Variants in SLC38A6 observed in about 807,000 individuals in gnomAD.
SLC38A6 encodes solute carrier family 38 member 6.
Under a neutral mutation model 65.0 loss-of-function variants are expected in SLC38A6, and 73 were observed. That is an observed-to-expected ratio of 1.12 (90% confidence interval 0.93 to 1.37). The LOEUF is 1.37. Among genes scored for constraint, SLC38A6 ranks in the 40% most tolerant of loss-of-function variants. SLC38A6 has a pLI of 0.00. For synonymous variants in SLC38A6, 183 were observed against 178.8 expected (o/e 1.02, Z -0.19); for missense variants, 561 against 531.1 (o/e 1.06, Z -0.55).
chr14:61,051,762 A>T, intron 13 of SLC38A6, 25 bp from the exon 14 acceptor site: 1 of 1,607,852 alleles, frequency 6.2e-7, no homozygotes, highest in South Asian at 1.1e-5. Context: ...CCTCTTCGCT[A>T]TATGTTTATT....
chr14:61,020,404 A>G (rs1415560152), intron 5 of SLC38A6, among the ~76,000 whole-genome samples: 1 of 152,174 alleles, frequency 6.6e-6, no homozygotes, highest in Admixed American at 6.6e-5. Context: ...TACATGTAAC[A>G]GTTTAATTCA....
chr14:61,041,757 G>A (rs1255100164), intron 8 of SLC38A6, among the ~76,000 whole-genome samples: 1 of 152,038 alleles, frequency 6.6e-6, no homozygotes, highest in Admixed American at 6.6e-5. Flanking sequence ...AAATTAGCTG[G>A]GTGTGATGGC....
At chr14:61,008,416 T>C (rs1369525194) in intron 3 of SLC38A6, among the ~76,000 whole-genome samples, 1 of 152,182 alleles carries the variant, frequency 6.6e-6, no homozygotes, top group African/African-American at 2.4e-5. Context: ...CTTTTGTTTA[T>C]ACAGTGGCAG....
chr14:60,984,871 C>T (rs2149303), intron 3 of SLC38A6, 68 bp downstream of exon 3: 1,340,025 of 1,405,510 alleles, frequency 0.95, 642,554 homozygotes, highest in Non-Finnish European at 0.99. Flanking sequence ...ACATATAGAA[C>T]TGGATGTCTC....
In SLC38A6 at chr14:60,995,023, A is replaced by G. The variant is rs866007973; in HGVS notation, c.310+10220A>G. Among the ~76,000 whole-genome samples the G allele has an allele frequency of 9.4e-4, 141 of 150,240 alleles. 1 individual carries two copies. Among genetic ancestry groups the G allele is most frequent in the East Asian group, 1.6e-3 (8 of 5,076 alleles). On this transcript the variant is annotated intron_variant, in intron 3 of 15. Coordinates refer to ENST00000267488, the MANE Select transcript of SLC38A6 (RefSeq NM_153811.3). The stretch of plus-strand genomic sequence containing the variant: ...CATCTCAAAAAAAAAAAAAAAAAAA[A>G]AAGAAGAAGAAATGAGGCATCAAGC...
chr14:60,983,387 A>G (rs903960522), intron 2 of SLC38A6, among the ~76,000 whole-genome samples: 1 of 152,160 alleles, frequency 6.6e-6, no homozygotes, highest in Admixed American at 6.5e-5. Flanking sequence ...GCTACTTGGG[A>G]GGACTGCTTG....
intron 5 of SLC38A6, among the ~76,000 whole-genome samples, chr14:61,029,811 A>G (rs557269799): frequency 4.1e-4 from 63 of 152,320 alleles, no homozygotes; most frequent in African/African-American, 1.5e-3. Context: ...TTGTCTTTTT[A>G]ATATATTTAA....
intron 12 of SLC38A6, 111 bp downstream of exon 12, chr14:61,046,278 C>T: frequency 1.5e-6 from 1 of 662,636 alleles, no homozygotes; most frequent in African/African-American, 1.8e-5. Flanking sequence ...TTGCTCAGAT[C>T]ACCAAATTAC....
At chr14:61,010,056 T>G (rs1383307747) in intron 3 of SLC38A6, among the ~76,000 whole-genome samples, 1 of 152,352 alleles carries the variant, frequency 6.6e-6, no homozygotes, top group Non-Finnish European at 1.5e-5. Flanking sequence ...GTTTCCTAAC[T>G]TTTTAATGAT....
At position 61,015,960 on chromosome 14, in the gene SLC38A6, A is replaced by T; in HGVS notation, c.363+4A>T. ...TGCATTTGGATTACCTGGAAAGGTA[A>T]TTTTTTTTCCTCCTCATTGTGTCCA... On this transcript the variant is annotated splice_donor_region_variant and intron_variant, in intron 4 of 15. Coordinates refer to ENST00000267488, the MANE Select transcript of SLC38A6 (RefSeq NM_153811.3). The T allele has an allele frequency of 1.2e-6, 2 of 1,603,610 alleles. No individual in the cohort carries two copies. Among genetic ancestry groups the T allele is most frequent in the Non-Finnish European group, 8.5e-7 (1 of 1,176,880 alleles).
intron 3 of SLC38A6, among the ~76,000 whole-genome samples, chr14:60,990,639 A>G (rs1237712332): frequency 1.3e-5 from 2 of 152,030 alleles, no homozygotes; most frequent in Non-Finnish European, 2.9e-5. Context: ...ACTTCAAAAA[A>G]AATTTTTTTT....
intron 5 of SLC38A6, among the ~76,000 whole-genome samples, chr14:61,025,295 T>G (rs1207599583): frequency 9.2e-5 from 14 of 152,230 alleles, no homozygotes. Flanking sequence ...GCTTTCTTCC[T>G]GTATATTCAT....
chr14:61,006,128 T>G (rs1238268175), intron 3 of SLC38A6, among the ~76,000 whole-genome samples: 4 of 152,266 alleles, frequency 2.6e-5, no homozygotes, highest in African/African-American at 7.2e-5. Flanking sequence ...TAGCCATATG[T>G]AGAAAGCTGA....
chr14:60,992,923 T>C (rs537534034), intron 3 of SLC38A6, among the ~76,000 whole-genome samples: 284 of 151,948 alleles, frequency 1.9e-3, no homozygotes, highest in Non-Finnish European at 3.7e-3. Context: ...CTTTGCTCGC[T>C]GCAACCTCTG....
chr14:61,011,752 A>C (rs2139484327), intron 3 of SLC38A6, among the ~76,000 whole-genome samples: 1 of 152,282 alleles, frequency 6.6e-6, no homozygotes, highest in South Asian at 2.1e-4. Flanking sequence ...ATGGTGGATA[A>C]GCTTTTTGAT....
chr14:61,070,374 A>G (rs1468325372), intron 15 of SLC38A6, among the ~76,000 whole-genome samples: 1 of 152,236 alleles, frequency 6.6e-6, no homozygotes, highest in Admixed American at 6.5e-5. Flanking sequence ...ATATTGCAGC[A>G]CATGGAAGAA....
chr14:61,015,847 G>C lies in SLC38A6; in HGVS notation c.311-57G>C, dbSNP rs762108647. 73 of 1,408,164 alleles carry C rather than the reference G, an allele frequency of 5.2e-5. No homozygotes were observed. The African/African-American group carries it at 5.7e-4, about 11-fold the overall frequency. The allele number at this position is 1,408,164 out of a possible 1,614,324, so 87.2% of individuals were successfully genotyped here. ...GTAGTAGGACCTGCTCTTCTCTTTA[G>C]GACCTGACACATAAATAGTTTTGTG... is the stretch of plus-strand genomic sequence containing the variant. On this transcript the variant is annotated intron_variant, in intron 3 of 15. Transcript: ENST00000267488.
At chr14:61,083,042 T>C (rs551257341) in intron 16 of SLC38A6, among the ~76,000 whole-genome samples, 5 of 151,628 alleles carry the variant, frequency 3.3e-5, no homozygotes, top group Non-Finnish European at 5.9e-5. Flanking sequence ...AACTTAAGAG[T>C]TTGGTTTGCA....
intron 9 of SLC38A6, 68 bp downstream of exon 9, chr14:61,043,280 T>C: frequency 1.7e-6 from 2 of 1,189,626 alleles, no homozygotes; most frequent in Admixed American, 2.5e-5. Context: ...GAAAGACTAA[T>C]GATTCTTTTC....
Sources: gnomAD v4.1 joint callset for allele counts (sites outside exome capture counted in the v4.1 genomes callset) on GRCh38, gnomAD v4.1.1 for gene constraint, MANE v1.5 for transcripts, NCBI Gene and HGNC (gene_info 2026-07-23, HGNC 2026-07-21) for gene names.